PTPRT: variants seen among roughly 807,000 people sequenced by gnomAD.
PTPRT encodes the protein protein tyrosine phosphatase receptor type T.
Under a neutral mutation model 176.8 loss-of-function variants are expected in PTPRT, and 56 were observed. The ratio of observed to expected loss-of-function variants is 0.32; its 90% CI spans 0.26 to 0.40. PTPRT has a LOEUF of 0.40. Ranked by LOEUF, PTPRT falls within the 10% of genes least tolerant of loss-of-function variation. The pLI is 1.00. For synonymous variants in PTPRT, 783 were observed against 739.0 expected, an observed-to-expected ratio of 1.06 and a Z score of -0.96; for missense variants, 1,540 against 1,908.2, an observed-to-expected ratio of 0.81 and a Z score of 3.60.
intron 1 of PTPRT, among the ~76,000 whole-genome samples, chr20:43,141,485 G>A (rs1029632755): frequency 2.6e-5 from 4 of 152,128 alleles, no homozygotes; most frequent in African/African-American, 9.7e-5. Context: ...GGGACCCCAG[G>A]AATAGCAAGT....
At chr20:42,355,938 G>A (rs931363634) in intron 9 of PTPRT, among the ~76,000 whole-genome samples, 2 of 151,916 alleles carry the variant, frequency 1.3e-5, no homozygotes, top group Non-Finnish European at 2.9e-5. Context: ...ACCTTTCCTG[G>A]TATTACAGGA....
rs1983051092 is a variant in PTPRT, at chr20:42,078,993, T to G, written c.*1886A>C. ...GCCAAAGCTGTACCTTCTTGAATTC[T>G]CTGCCCCTCATGCCCTGTCTGGGGC... is the stretch of plus-strand genomic sequence containing the variant. On this transcript the variant is annotated 3_prime_UTR_variant, in exon 31 of 31. Coordinates refer to ENST00000373187, the MANE Select transcript of PTPRT (RefSeq NM_007050.6). 5.6e-6 allele frequency: 1 copy of G among 178,448 alleles called. No individual in the cohort carries two copies. The highest frequency in any genetic ancestry group is 1.2e-5 in the Non-Finnish European group (1 of 83,116). The allele number at this position is 178,448 out of a possible 1,614,324, so 11.1% of individuals were successfully genotyped here. A position where few individuals can be genotyped will look rare whatever the true frequency, so the allele number is the denominator to read the frequency against.
At chr20:42,546,176 C>T (rs908704009) in intron 7 of PTPRT, among the ~76,000 whole-genome samples, 7 of 152,066 alleles carry the variant, frequency 4.6e-5, no homozygotes, top group Non-Finnish European at 8.8e-5. Flanking sequence ...GAGCAATGAA[C>T]GATTCACAAA....
At chr20:42,700,305 C>T (rs2075955946) in intron 6 of PTPRT, among the ~76,000 whole-genome samples, 2 of 152,266 alleles carry the variant, frequency 1.3e-5, no homozygotes, top group African/African-American at 4.8e-5. Flanking sequence ...GCAGGCAGTC[C>T]TCTCCTGTCC....
intron 2 of PTPRT, among the ~76,000 whole-genome samples, chr20:42,880,856 A>G (rs2079001819): frequency 6.6e-6 from 1 of 152,154 alleles, no homozygotes; most frequent in Admixed American, 6.5e-5. Context: ...TTGACACAAA[A>G]GTAGTTGTGG....
intron 12 of PTPRT, among the ~76,000 whole-genome samples, chr20:42,286,850 T>C (rs1407476375): frequency 6.6e-6 from 1 of 151,780 alleles, no homozygotes; most frequent in Non-Finnish European, 1.5e-5. Flanking sequence ...TATTCATCCC[T>C]CAGGGAATTA....
the PTPRT span, among the ~76,000 whole-genome samples, chr20:42,043,047 G>A: frequency 6.6e-6 from 1 of 152,256 alleles, no homozygotes; most frequent in Non-Finnish European, 1.5e-5. Flanking sequence ...CATGGCACTG[G>A]CAGTGGCCAA....
chr20:42,614,547 C>G (rs992336781), intron 7 of PTPRT, among the ~76,000 whole-genome samples: 1 of 139,480 alleles, frequency 7.2e-6, no homozygotes, highest in African/African-American at 3.1e-5. Flanking sequence ...TCACCACCCC[C>G]TTCTATTCCC....
At chr20:42,533,048 G>T (rs188869606) in intron 7 of PTPRT, among the ~76,000 whole-genome samples, 2 of 152,090 alleles carry the variant, frequency 1.3e-5, no homozygotes, top group Non-Finnish European at 2.9e-5. Flanking sequence ...AAAACAGCTC[G>T]ATTCTAAATG....
At chr20:43,168,614 G>A (rs1419506225) in intron 1 of PTPRT, among the ~76,000 whole-genome samples, 1 of 152,136 alleles carries the variant, frequency 6.6e-6, no homozygotes, top group Non-Finnish European at 1.5e-5. Flanking sequence ...AAAGAGTTAG[G>A]ATCAAGCAAA....
At chr20:42,639,298 G>T (rs1209948122) in intron 7 of PTPRT, among the ~76,000 whole-genome samples, 1 of 151,996 alleles carries the variant, frequency 6.6e-6, no homozygotes, top group Non-Finnish European at 1.5e-5. Context: ...GTAACTTTGG[G>T]CCTCTGTTCT....
At chr20:42,890,466 A>C (rs961795557) in intron 1 of PTPRT, among the ~76,000 whole-genome samples, 2 of 152,194 alleles carry the variant, frequency 1.3e-5, no homozygotes, top group African/African-American at 4.8e-5. Context: ...AGATGATTGC[A>C]ATGAACCTTC....
At chr20:42,910,265 C>T (rs928882003) in intron 1 of PTPRT, among the ~76,000 whole-genome samples, 16 of 152,120 alleles carry the variant, frequency 1.1e-4, no homozygotes, top group Non-Finnish European at 2.2e-4. Flanking sequence ...AATTTCTCAC[C>T]GCAGCTTCTC....
chr20:42,740,857 G>C (rs1325110662), intron 6 of PTPRT, among the ~76,000 whole-genome samples: 1 of 152,132 alleles, frequency 6.6e-6, no homozygotes, highest in East Asian at 1.9e-4. Flanking sequence ...GGGATGGCAA[G>C]GGCACTTGTA....
intron 1 of PTPRT, among the ~76,000 whole-genome samples, chr20:43,036,888 A>G (rs1986402253): frequency 6.6e-6 from 1 of 152,246 alleles, no homozygotes; most frequent in Non-Finnish European, 1.5e-5. Flanking sequence ...TTTAAAAAAT[A>G]CAGAAATGCA....
At chr20:42,649,070 C>A (rs1049163760) in intron 7 of PTPRT, among the ~76,000 whole-genome samples, 9 of 151,970 alleles carry the variant, frequency 5.9e-5, no homozygotes, top group Non-Finnish European at 1.5e-5. Context: ...CCGCCCACCT[C>A]GGCCTCCCAA....
chr20:43,000,832 T>C (rs535011301), intron 1 of PTPRT, among the ~76,000 whole-genome samples: 5 of 151,982 alleles, frequency 3.3e-5, no homozygotes, highest in Admixed American at 3.3e-4. Context: ...TTAAAGAAAG[T>C]CTAATTGTGA....
At chr20:42,967,325 A>C (rs1982356120) in intron 1 of PTPRT, among the ~76,000 whole-genome samples, 1 of 152,192 alleles carries the variant, frequency 6.6e-6, no homozygotes, top group African/African-American at 2.4e-5. Flanking sequence ...TTGAGATGAG[A>C]TCATCCTGGT....
chr20:42,232,665 C>T (rs991130369), intron 15 of PTPRT, among the ~76,000 whole-genome samples: 2 of 151,944 alleles, frequency 1.3e-5, no homozygotes, highest in Admixed American at 6.6e-5. Flanking sequence ...TCCCCAAACA[C>T]CTCGCCTCCA....
Sources: allele counts gnomAD v4.1 joint callset (sites outside exome capture counted in the v4.1 genomes callset), GRCh38; gene constraint gnomAD v4.1.1; transcripts MANE v1.5; gene names NCBI Gene and HGNC (gene_info 2026-07-23, HGNC 2026-07-21).